The following ACP7 variants were observed in gnomAD, a reference collection of about 807,000 sequenced individuals.
The protein encoded by ACP7 is acid phosphatase 7, tartrate resistant (putative), also known as acid phosphatase type 7.
Under a neutral mutation model 60.6 loss-of-function variants are expected in ACP7, and 58 were observed. The observed-to-expected ratio is 0.96, with a 90% CI of 0.77 to 1.19. ACP7 has a LOEUF of 1.19. ACP7 is among the 50% of genes most tolerant of loss of function. The pLI is 0.00. For missense variants in ACP7, 574 were observed against 596.2 expected (o/e 0.96, Z 0.39); for synonymous variants, 237 against 232.6 (o/e 1.02, Z -0.17).
intron 11 of ACP7, among the ~76,000 whole-genome samples, chr19:39,102,116 TCTCTCA>T (rs1440362800): frequency 3.8e-4 from 26 of 68,204 alleles, no homozygotes; most frequent in Admixed American, 1.2e-3. Context: ...TGAGACCCTT[TCTCTCA>T]CACACACACA....
Position 39,085,219 on chromosome 19 carries a change from TCTC to T in ACP7, c.-47_-45del. 1 of 1,575,674 alleles carries T rather than the reference TCTC, an allele frequency of 6.3e-7. No individual in the cohort carries two copies. Among genetic ancestry groups the T allele is most frequent in the African/African-American group, 1.4e-5 (1 of 73,918 alleles). ...TCCTGCTGTACCTGTGGGGAGCTGATCTCCTCAGTCCCCCTGCTTTTCCCCGGT... is the reference window on the plus strand; with the variant it reads ...TCCTGCTGTACCTGTGGGGAGCTGATCTCAGTCCCCCTGCTTTTCCCCGGT... On this transcript the variant is annotated 5_prime_UTR_variant, in exon 2 of 13. Coordinates refer to ENST00000331256, the MANE Select transcript of ACP7 (RefSeq NM_001004318.3).
intron 12 of ACP7, among the ~76,000 whole-genome samples, chr19:39,109,516 C>T (rs2073445819): frequency 6.6e-6 from 1 of 151,748 alleles, no homozygotes; most frequent in Non-Finnish European, 1.5e-5. Flanking sequence ...ACCAGCCTGG[C>T]CAACATGGTG....
intron 2 of ACP7, among the ~76,000 whole-genome samples, chr19:39,089,869 T>C (rs1461746275): frequency 6.6e-6 from 1 of 152,238 alleles, no homozygotes; most frequent in Non-Finnish European, 1.5e-5. Flanking sequence ...CTGTGACTTA[T>C]TGCTGTGACT....
chr19:39,099,174 G>A, intron 4 of ACP7, 32 bp downstream of exon 4: 1 of 1,482,088 alleles, frequency 6.7e-7, no homozygotes, highest in South Asian at 1.4e-5. Flanking sequence ...GCGCAGGGAC[G>A]GTGGGGGGCG....
chr19:39,085,140 G>T lies in ACP7; in HGVS notation c.-130G>T. On this transcript the variant is annotated 5_prime_UTR_variant, in exon 2 of 13. Coordinates refer to ENST00000331256, the MANE Select transcript of ACP7 (RefSeq NM_001004318.3). ...AAGGAGACCTCCCTGCCCTGCCTCT[G>T]TTGTCCCCCAGAGCACTGCCTGATC... is the stretch of plus-strand genomic sequence containing the variant. 2 of 1,231,180 alleles carry T rather than the reference G, an allele frequency of 1.6e-6. No individual in the cohort carries two copies. The highest frequency in any genetic ancestry group is 2.5e-5 in the East Asian group (1 of 39,258). The allele number at this position is 1,231,180 out of a possible 1,614,324, so 76.3% of individuals were successfully genotyped here. A position where few individuals can be genotyped will look rare whatever the true frequency, so the allele number is the denominator to read the frequency against.
intron 1 of ACP7, among the ~76,000 whole-genome samples, 167 bp downstream of exon 1, chr19:39,084,567 G>C (rs113793451): frequency 1.3e-5 from 2 of 151,700 alleles, no homozygotes; most frequent in African/African-American, 4.8e-5. Context: ...AGAGGATGCG[G>C]CCGCTCTGGC....
intron 2 of ACP7, among the ~76,000 whole-genome samples, chr19:39,095,278 T>C (rs2073252551): frequency 6.6e-6 from 1 of 152,158 alleles, no homozygotes; most frequent in Non-Finnish European, 1.5e-5. Flanking sequence ...AAAAGCAAGC[T>C]AGTTACTTCC....
rs1033544198 is a variant in ACP7 at position 39,085,331 on chromosome 19, T to C, written c.62T>C (p.Val21Ala). 9 of 1,613,492 alleles carry C rather than the reference T, an allele frequency of 5.6e-6. No homozygotes were observed. Among genetic ancestry groups the C allele is most frequent in the Admixed American group, 1.7e-5 (1 of 59,936 alleles). ...YCLLLLFSLG[V>A]QGSLGAPSAA... ...CTACTCCTGCTATTCTCCTTGGGAG[T>C]CCAGGGGTCCCTGGGGGCTCCCAGC... is the stretch of plus-strand genomic sequence containing the variant. Residue 21 changes from valine to alanine, a missense_variant, in exon 2 of 13, where the codon GTC becomes GCC. Val to Ala is a moderately conservative substitution (Grantham distance 64). Transcript: ENST00000331256.
chr19:39,099,148 G>A lies in ACP7; in HGVS notation c.505+6G>A, dbSNP rs1301674118. The A allele has an allele frequency of 2.0e-6, 3 of 1,514,780 alleles. No homozygotes were observed. The African/African-American group carries it at 4.2e-5, about 21-fold the overall frequency. 93.8% of individuals were successfully genotyped at this position (1,514,780 alleles called of 1,614,324 possible). On this transcript the variant is annotated splice_donor_region_variant and intron_variant, in intron 4 of 12. Transcript: ENST00000331256. ...TGACGCCGTTCTCCATGTGGGTGAG[G>A]CATCCGCAGGGGCGCGCGCAGGGAC...
upstream of ACP7, among the ~76,000 whole-genome samples, chr19:39,084,136 C>T (rs909770819): frequency 2.6e-5 from 4 of 152,066 alleles, no homozygotes; most frequent in African/African-American, 7.2e-5. Flanking sequence ...GCGCCGGAGA[C>T]GTATCATAAC....
rs572933403 is a variant in ACP7, at chr19:39,110,025, C to T, written c.1252-28C>T. 2.5e-6 allele frequency: 4 copies of T among 1,604,412 alleles called. No homozygotes were observed. The African/African-American group carries it at 4.0e-5, about 16-fold the overall frequency. The stretch of plus-strand genomic sequence containing the variant: ...CCAGAGTTCAGGCTTTCAGCTCTAA[C>T]TACTGTCCCTGTTTTTGTCCCTCAC... On this transcript the variant is annotated intron_variant, in intron 12 of 12. Transcript: ENST00000331256.
chr19:39,087,870 G>C (rs372438992), intron 2 of ACP7, among the ~76,000 whole-genome samples: 1 of 152,064 alleles, frequency 6.6e-6, no homozygotes, highest in East Asian at 1.9e-4. Context: ...CTGACCTCAA[G>C]TGATCCACCC....
intron 2 of ACP7, among the ~76,000 whole-genome samples, chr19:39,086,082 G>A (rs2073137985): frequency 6.6e-6 from 1 of 152,184 alleles, no homozygotes; most frequent in African/African-American, 2.4e-5. Context: ...TTAGCAGTTT[G>A]GGAGGCTGAG....
At chr19:39,104,542 T>A (rs1016937891) in intron 11 of ACP7, among the ~76,000 whole-genome samples, 4 of 152,144 alleles carry the variant, frequency 2.6e-5, no homozygotes, top group African/African-American at 9.7e-5. Flanking sequence ...TGCCCATGGG[T>A]GATTGCTATT....
At chr19:39,091,957 G>A (rs1401121095) in intron 2 of ACP7, among the ~76,000 whole-genome samples, 2 of 152,016 alleles carry the variant, frequency 1.3e-5, no homozygotes, top group Non-Finnish European at 2.9e-5. Flanking sequence ...AGATCATACT[G>A]ATATCCCTGA....
At chr19:39,109,671 A>C (rs995743194) in intron 12 of ACP7, among the ~76,000 whole-genome samples, 4 of 131,490 alleles carry the variant, frequency 3.0e-5, no homozygotes, top group Non-Finnish European at 3.1e-5. Context: ...TGGGTGACAG[A>C]GCAAGACTCT....
chr19:39,092,774 T>C (rs1010731580), intron 2 of ACP7, among the ~76,000 whole-genome samples: 1 of 54,066 alleles, frequency 1.8e-5, no homozygotes, highest in Non-Finnish European at 4.4e-5. Flanking sequence ...CATTCCTCTT[T>C]TTTTTTTTTT....
intron 5 of ACP7, 64 bp from the exon 6 acceptor site, chr19:39,100,516 G>A: frequency 1.2e-6 from 2 of 1,603,818 alleles, no homozygotes; most frequent in Non-Finnish European, 1.7e-6. Context: ...CAGTGGCGGG[G>A]TATAGGAGTA....
At chr19:39,094,017 C>T (rs1351436026) in intron 2 of ACP7, among the ~76,000 whole-genome samples, 1 of 152,126 alleles carries the variant, frequency 6.6e-6, no homozygotes, top group African/African-American at 2.4e-5. Flanking sequence ...AGAGTACTGC[C>T]ATAAATAACC....
Sources: allele counts gnomAD v4.1 joint callset (sites outside exome capture counted in the v4.1 genomes callset), GRCh38; gene constraint gnomAD v4.1.1; transcripts MANE v1.5; gene names NCBI Gene and HGNC (gene_info 2026-07-23, HGNC 2026-07-21).